ZSCAN31: variants seen among roughly 807,000 people sequenced by gnomAD.
The protein encoded by ZSCAN31 is zinc finger and SCAN domain containing 31, also known as zinc finger and SCAN domain-containing protein 31.
A neutral mutation model predicts 22.5 loss-of-function variants in ZSCAN31; 14 were observed. That is an observed-to-expected ratio of 0.62 (90% CI 0.41 to 0.97). The LOEUF (loss-of-function observed/expected upper bound fraction) is 0.97, where lower values mean the gene tolerates loss of function less well. ZSCAN31 is among the 50% of genes least tolerant of loss of function. The probability of loss-of-function intolerance (pLI) is 0.00; values close to 1 mark genes in which losing one functional copy is unlikely to be tolerated. For synonymous variants in ZSCAN31, 168 were observed against 169.8 expected, an observed-to-expected ratio of 0.99 and a Z score of 0.08; for missense variants, 424 against 483.4, an observed-to-expected ratio of 0.88 and a Z score of 1.15.
chr6:28,344,770 A>C (rs1186780021), intron 2 of ZSCAN31, among the ~76,000 whole-genome samples: 2 of 152,260 alleles, frequency 1.3e-5, no homozygotes, highest in East Asian at 3.9e-4. Flanking sequence ...TTGTGGCTAC[A>C]GGTAAAAATA....
chr6:28,330,980 C>A (rs926936439), intron 1 of ZSCAN31, among the ~76,000 whole-genome samples: 1 of 152,078 alleles, frequency 6.6e-6, no homozygotes, highest in African/African-American at 2.4e-5. Flanking sequence ...TAAGAGCACA[C>A]ACAATGGCGA....
rs751238364 is a variant in ZSCAN31 at position 28,329,699 on chromosome 6, G to C, written c.-16C>G. 5.0e-6 allele frequency: 8 copies of C among 1,597,856 alleles called. No individual in the cohort carries two copies. The highest frequency in any genetic ancestry group is 1.7e-5 in the Admixed American group (1 of 57,894). On this transcript the variant is annotated 5_prime_UTR_variant, in exon 2 of 4. Coordinates refer to ENST00000344279, the MANE Select transcript of ZSCAN31 (RefSeq NM_030899.5). Reference sequence around the variant, plus strand: ...TTGAAGCCATTCCTGGGGTTAATTTGGAAGGCTTACTCTGGCTTTAAGTAA... The same window carrying C: ...TTGAAGCCATTCCTGGGGTTAATTTCGAAGGCTTACTCTGGCTTTAAGTAA...
At chr6:28,352,699 T>A (rs770229835) in intron 2 of ZSCAN31, among the ~76,000 whole-genome samples, 9 of 152,254 alleles carry the variant, frequency 5.9e-5, no homozygotes, top group Non-Finnish European at 1.3e-4. Flanking sequence ...AGATTAGATT[T>A]AGGCTCACTT....
At chr6:28,326,983 C>A in intron 3 of ZSCAN31, 129 bp from the exon 4 acceptor site, 1 of 976,972 alleles carries the variant, frequency 1.0e-6, no homozygotes, top group South Asian at 1.7e-5. Flanking sequence ...AGTTAAGGAG[C>A]AGGTTGGGTT....
chr6:28,354,930 T>G (rs1217878693), upstream of ZSCAN31, among the ~76,000 whole-genome samples: 1 of 152,242 alleles, frequency 6.6e-6, no homozygotes, highest in African/African-American at 2.4e-5. Context: ...GTCACCTTCT[T>G]GGTGATCACC....
chr6:28,327,566 G>T (rs1403825050), intron 2 of ZSCAN31, 33 bp from the exon 3 acceptor site: 1 of 1,603,686 alleles, frequency 6.2e-7, no homozygotes, highest in African/African-American at 1.3e-5. Context: ...GGTTAAAGAG[G>T]GGGATTATAG....
upstream of ZSCAN31, among the ~76,000 whole-genome samples, chr6:28,339,218 T>A (rs1764316082): frequency 6.6e-6 from 1 of 152,248 alleles, no homozygotes; most frequent in Non-Finnish European, 1.5e-5. Context: ...TCTTTTGTTA[T>A]AATTTGCTTC....
intron 1 of ZSCAN31, among the ~76,000 whole-genome samples, chr6:28,335,166 C>T (rs930593217): frequency 5.3e-5 from 8 of 152,108 alleles, no homozygotes; most frequent in African/African-American, 1.9e-4. Flanking sequence ...AGGGAAGGGT[C>T]CCTGGAGAGC....
chr6:28,326,996 A>T lies in ZSCAN31; in HGVS notation c.533-142T>A, dbSNP rs1157147159. 4 of 880,052 alleles carry T rather than the reference A, an allele frequency of 4.5e-6. No individual in the cohort carries two copies. In the African/African-American group the frequency reaches 6.8e-5, roughly 15 times the overall value. 54.5% of individuals were successfully genotyped at this position (880,052 alleles called of 1,614,324 possible). A position where few individuals can be genotyped will look rare whatever the true frequency, so the allele number is the denominator to read the frequency against. ...TCAGTTAAGGAGCAGGTTGGGTTAA[A>T]CAGGGATGTTTAGGCTAGTAGAGTA... On this transcript the variant is annotated intron_variant, in intron 3 of 3. Transcript: ENST00000344279.
In ZSCAN31 at chr6:28,326,555, G is replaced by A. The variant is rs780570667; in HGVS notation, c.832C>T (p.Arg278Trp). Residue 278 changes from arginine to tryptophan, a missense_variant, in exon 4 of 4, where the codon CGG becomes TGG. Transcript: ENST00000344279. ...ECEECGKAFS[R>W]RSSLNEHRRS... ...CGATGTTCATTCAGGCTTGACCTCC[G>A]GCTGAAGGCCTTCCCACATTCTTCA... 12 of 1,614,030 alleles carry A rather than the reference G, an allele frequency of 7.4e-6. No individual in the cohort carries two copies. The highest frequency in any genetic ancestry group is 1.1e-5 in the South Asian group (1 of 91,074).
rs535109221 is a variant in ZSCAN31 at position 28,327,705 on chromosome 6, A to G, written c.382-172T>C. ...AAGCAAAACAGGGAAGAGTGGCCCA[A>G]TCAAGTGTGGTGGTTTAAAATAAAT... On this transcript the variant is annotated intron_variant, in intron 2 of 3. Coordinates refer to ENST00000344279, the MANE Select transcript of ZSCAN31 (RefSeq NM_030899.5). Among the ~76,000 whole-genome samples, 5 of 152,264 alleles carry G rather than the reference A, an allele frequency of 3.3e-5. No individual in the cohort carries two copies. The East Asian group carries it at 5.8e-4, about 18-fold the overall frequency.
chr6:28,326,506 G>C lies in ZSCAN31; in HGVS notation c.881C>G (p.Pro294Arg), dbSNP rs1483356339. The C allele has an allele frequency of 1.9e-6, 3 of 1,614,156 alleles. No homozygotes were observed. In the South Asian group the frequency reaches 3.3e-5, roughly 18 times the overall value. The change falls in exon 4 of 4, where the codon CCC becomes CGC. Residue 294 changes from proline (P) to arginine (R), a missense_variant. Physicochemically the swap from Pro to Arg is moderately radical, Grantham distance 103. Transcript: ENST00000344279. ...TTTCCCACACTCCTTACATTGATAG[G>C]GTTTCTCTCCAGTGTGGCTCCGCCG... ...EHRRSHTGEKPYQCKECGKAF... is the reference protein window; with the variant it reads ...EHRRSHTGEKRYQCKECGKAF...
At position 28,353,931 on chromosome 6, in the gene ZSCAN31, G is replaced by C. The variant is rs532542898; in HGVS notation, c.-440C>G. 4 of 455,388 alleles carry C rather than the reference G, an allele frequency of 8.8e-6. No homozygotes were observed. In the East Asian group the frequency reaches 2.8e-4, roughly 32 times the overall value. 28.2% of individuals were successfully genotyped at this position (455,388 alleles called of 1,614,324 possible). A position where few individuals can be genotyped will look rare whatever the true frequency, so the allele number is the denominator to read the frequency against. On this transcript the variant is annotated 5_prime_UTR_variant, in exon 2 of 8. Transcript: ENST00000396838. ...AGGGGAGTTGTTGGATGGGTGGCAG[G>C]TAGTTGAAAGAACACTCGGGGCTGT...
At chr6:28,335,076 G>A (rs183604834) in intron 1 of ZSCAN31, among the ~76,000 whole-genome samples, 123 of 152,210 alleles carry the variant, frequency 8.1e-4, no homozygotes, top group Non-Finnish European at 1.4e-3. Context: ...CCTCGGTTTC[G>A]CCGCAAAGCT....
At chr6:28,350,116 G>GTGTGT (rs1342351673) in intron 2 of ZSCAN31, 1 of 150,478 alleles carries the variant, frequency 6.6e-6, no homozygotes, top group Non-Finnish European at 1.5e-5. Context: ...GTGTGTTTGT[G>GTGTGT]GAGAGAGGCC....
chr6:28,341,077 A>G (rs1054781590), upstream of ZSCAN31, among the ~76,000 whole-genome samples: 1 of 152,232 alleles, frequency 6.6e-6, no homozygotes, highest in Non-Finnish European at 1.5e-5. Flanking sequence ...CAGAATAGGA[A>G]GTATTAGCCC....
chr6:28,328,636 G>A (rs1763498059), intron 2 of ZSCAN31, among the ~76,000 whole-genome samples: 1 of 152,028 alleles, frequency 6.6e-6, no homozygotes, highest in Non-Finnish European at 1.5e-5. Context: ...TACAGTTAAT[G>A]CAATTATTAC....
intron 3 of ZSCAN31, among the ~76,000 whole-genome samples, chr6:28,341,158 A>G (rs552859863): frequency 6.6e-6 from 1 of 152,352 alleles, no homozygotes; most frequent in Non-Finnish European, 1.5e-5. Context: ...TTCCAGAATC[A>G]AGTTAAAAAG....
At chr6:28,353,747 A>G (rs1393505600) in intron 2 of ZSCAN31, 2 of 444,434 alleles carry the variant, frequency 4.5e-6, no homozygotes, top group Non-Finnish European at 4.6e-6. Flanking sequence ...AGTTCTGGGG[A>G]AGACTGTGGA....
Sources: allele counts gnomAD v4.1 joint callset (sites outside exome capture counted in the v4.1 genomes callset), GRCh38; gene constraint gnomAD v4.1.1; transcripts MANE v1.5; gene names NCBI Gene and HGNC (gene_info 2026-07-23, HGNC 2026-07-21).